The following SASH3 variants were observed in gnomAD, a reference collection of about 807,000 sequenced individuals.
SASH3 encodes SAM and SH3 domain-containing protein 3.
A neutral mutation model predicts 26.1 loss-of-function variants in SASH3; 7 were observed. That is an observed-to-expected ratio of 0.27 (90% confidence interval 0.15 to 0.50). The LOEUF is 0.50. Ranked by LOEUF, SASH3 falls within the 20% of genes least tolerant of loss-of-function variation. The pLI, the probability that SASH3 is intolerant of heterozygous loss-of-function variation, is 0.98. For synonymous variants in SASH3, 138 were observed against 136.8 expected (o/e 1.01, Z -0.06); for missense variants, 231 against 318.3 (o/e 0.73, Z 2.09).
At chrX:129,789,474 A>G (rs1385181887) in intron 3 of SASH3, among the ~76,000 whole-genome samples, 1 of 110,833 alleles carries the variant, frequency 9.0e-6, no homozygotes, top group Non-Finnish European at 1.9e-5. Flanking sequence ...CTCTACTAAA[A>G]ATACCAAAAC....
intron 1 of SASH3, 127 bp from the exon 2 acceptor site, chrX:129,787,848 G>A (rs1040632155): frequency 4.3e-5 from 22 of 507,818 alleles, no homozygotes; most frequent in Admixed American, 3.9e-4. Flanking sequence ...CCATTAGCCT[G>A]GGGCTCCCAT....
Position 129,792,827 on chromosome X carries a change from C to T in SASH3, c.792C>T (p.Ile264=), listed in dbSNP as rs750808416. ...PKTLHELLER[I]GLEEHTSTLL... is the part of the protein sequence containing the mutation. ...CCCTGCATGAGCTGCTGGAGCGCAT[C>T]GGCCTGGAGGTTTGAGCTTGGTCCT... The change falls in exon 6 of 8, where the codon ATC becomes ATT. Residue 264 remains isoleucine (I), a synonymous_variant. Coordinates refer to ENST00000356892, the MANE Select transcript of SASH3 (RefSeq NM_018990.4). 2.2e-5 allele frequency: 26 copies of T among 1,183,079 alleles called. No individual in the cohort carries two copies. The highest frequency in any genetic ancestry group is 1.5e-4 in the South Asian group (8 of 52,846).
At chrX:129,791,471 A>G (rs1009965630) in intron 4 of SASH3, among the ~76,000 whole-genome samples, 1 of 112,268 alleles carries the variant, frequency 8.9e-6, no homozygotes, top group African/African-American at 3.2e-5. Context: ...TAGAGGCTAC[A>G]GATCCCTGGG....
At chrX:129,788,137 G>GGGGGGGGGGGGGGGGGGGGGGGGC in intron 2 of SASH3, 67 bp downstream of exon 2, 1 of 354,273 alleles carries the variant, frequency 2.8e-6, no homozygotes, top group Non-Finnish European at 5.4e-6. Flanking sequence ...GGGTGGGAGG[G>GGGGGGGGGGGGGGGGGGGGGGGGC]AAGAGGGTGA....
intron 1 of SASH3, among the ~76,000 whole-genome samples, chrX:129,783,154 T>C (rs933742277): frequency 3.6e-5 from 4 of 111,481 alleles, no homozygotes; most frequent in African/African-American, 1.3e-4. Flanking sequence ...GCCCTTGGCC[T>C]GGCGGGCAAG....
In SASH3 at chrX:129,793,791, G is replaced by T; in HGVS notation, c.1102G>T (p.Glu368Ter). 1 of 1,202,405 alleles carries T rather than the reference G, an allele frequency of 8.3e-7. No homozygotes were observed. The highest frequency in any genetic ancestry group is 1.1e-6 in the Non-Finnish European group (1 of 890,951). The stretch of plus-strand genomic sequence containing the variant: ...CGATGACGCAGAGCTGGCAGGCACT[G>T]AGGAGCAGCTGCAAGGCCTCTCCCT... ...GRDDAELAGT[E>*]EQLQGLSLAG... is the part of the protein sequence containing the mutation. Residue 368 changes from glutamate (E) to a stop codon, truncating the protein, a stop_gained, in exon 8 of 8, where the codon GAG becomes TAG. Coordinates refer to ENST00000356892, the MANE Select transcript of SASH3 (RefSeq NM_018990.4). LOFTEE classifies it high-confidence loss of function.
Position 129,794,036 on chromosome X carries a change from C to A in SASH3, c.*204C>A, listed in dbSNP as rs1927284930. 1 of 409,866 alleles carries A rather than the reference C, an allele frequency of 2.4e-6. No homozygotes were observed. Among genetic ancestry groups the A allele is most frequent in the South Asian group, 4.9e-5 (1 of 20,229 alleles). The allele number at this position is 409,866 out of a possible 1,213,427, so 33.8% of individuals were successfully genotyped here. ...GTGGTTGGGGAGTCGCCCAAGGGCACATCCCACCTGCCTGAGCCCCGCCCT... is the reference window on the plus strand; with the variant it reads ...GTGGTTGGGGAGTCGCCCAAGGGCAAATCCCACCTGCCTGAGCCCCGCCCT... On this transcript the variant is annotated 3_prime_UTR_variant, in exon 8 of 8. Coordinates refer to ENST00000356892, the MANE Select transcript of SASH3 (RefSeq NM_018990.4).
chrX:129,787,081 C>G (rs1467132127), intron 1 of SASH3, among the ~76,000 whole-genome samples: 2 of 110,755 alleles, frequency 1.8e-5, no homozygotes, highest in African/African-American at 6.6e-5. Flanking sequence ...GTGGGCAGAT[C>G]ACCTGAGGTC....
At chrX:129,788,315 G>T in intron 2 of SASH3, 116 bp from the exon 3 acceptor site, 4 of 734,182 alleles carry the variant, frequency 5.4e-6, no homozygotes, top group Non-Finnish European at 6.2e-6. Flanking sequence ...GGGGATGGGG[G>T]CCTCTCAGTT....
intron 3 of SASH3, 98 bp downstream of exon 3, chrX:129,788,675 C>A: frequency 2.3e-6 from 2 of 877,045 alleles, no homozygotes; most frequent in South Asian, 2.7e-5. Flanking sequence ...CTACTCAGGC[C>A]GGAAGGCCCT....
chrX:129,789,305 T>C (rs1176904428), intron 3 of SASH3, among the ~76,000 whole-genome samples: 2 of 109,193 alleles, frequency 1.8e-5, no homozygotes, highest in Non-Finnish European at 3.8e-5. Context: ...TTCCCCGGGA[T>C]TGGGAAGGCC....
At chrX:129,783,126 A>G (rs1927046040) in intron 1 of SASH3, among the ~76,000 whole-genome samples, 1 of 110,824 alleles carries the variant, frequency 9.0e-6, no homozygotes, top group Non-Finnish European at 1.9e-5. Flanking sequence ...GTGGCTCCTC[A>G]CTGCCCACAG....
At chrX:129,784,482 C>A (rs1371025054) in intron 1 of SASH3, among the ~76,000 whole-genome samples, 2 of 111,229 alleles carry the variant, frequency 1.8e-5, no homozygotes. Context: ...ACCTACATTC[C>A]ACAAGGGACT....
chrX:129,792,638 G>C lies in SASH3; in HGVS notation c.603G>C (p.Val201=). ...CTCTCCCCCAACAGAAAGGAGATGT[G>C]ATCCAGATCATTGAAAAGCCACCTG... The part of the protein sequence containing the change: ...HDSLKLQKGD[V]IQIIEKPPVG... The change falls in exon 6 of 8, where the codon GTG becomes GTC. Residue 201 remains valine (V), a synonymous_variant. Coordinates refer to ENST00000356892, the MANE Select transcript of SASH3 (RefSeq NM_018990.4). 1 of 1,210,358 alleles carries C rather than the reference G, an allele frequency of 8.3e-7. No individual in the cohort carries two copies. The highest frequency in any genetic ancestry group is 1.1e-6 in the Non-Finnish European group (1 of 895,213).
intron 1 of SASH3, among the ~76,000 whole-genome samples, chrX:129,784,016 T>C (rs1927062772): frequency 9.0e-6 from 1 of 111,328 alleles, no homozygotes; most frequent in African/African-American, 3.3e-5. Flanking sequence ...AACATCCCCA[T>C]GTAGACAGCA....
rs924009786 is a variant in SASH3, at chrX:129,792,268, G to A, written c.443-60G>A. ...CAGGTCCCCTGGAAGGCACCTGCTA[G>A]GCACTGTCTCAGCTGTTCTAGGACA... On this transcript the variant is annotated intron_variant, in intron 4 of 7. Transcript: ENST00000356892. The A allele has an allele frequency of 6.9e-5, 79 of 1,138,960 alleles. No homozygotes were observed. The South Asian group carries it at 8.5e-4, about 12-fold the overall frequency. The allele number at this position is 1,138,960 out of a possible 1,213,427, so 93.9% of individuals were successfully genotyped here. A position where few individuals can be genotyped will look rare whatever the true frequency, so the allele number is the denominator to read the frequency against.
chrX:129,780,333 T>A (rs1453796627), intron 1 of SASH3, among the ~76,000 whole-genome samples, 179 bp downstream of exon 1: 1 of 110,617 alleles, frequency 9.0e-6, no homozygotes, highest in Non-Finnish European at 1.9e-5. Context: ...AGAAGAGATG[T>A]TTAAAATTCT....
At chrX:129,780,250 A>C in intron 1 of SASH3, 96 bp downstream of exon 1, 1 of 838,081 alleles carries the variant, frequency 1.2e-6, no homozygotes. Context: ...CAAAGGCCAT[A>C]TGTTGAGTCT....
At chrX:129,791,815 A>C (rs757164441) in intron 4 of SASH3, among the ~76,000 whole-genome samples, 1 of 112,447 alleles carries the variant, frequency 8.9e-6, no homozygotes, top group Non-Finnish European at 1.9e-5. Flanking sequence ...CTGAGTTTCT[A>C]TGTGACATTG....
Sources: allele counts gnomAD v4.1 joint callset (sites outside exome capture counted in the v4.1 genomes callset), GRCh38; gene constraint gnomAD v4.1.1; transcripts MANE v1.5; gene names NCBI Gene and HGNC (gene_info 2026-07-23, HGNC 2026-07-21).